Variants in SLC35F4 observed in about 807,000 individuals in gnomAD.
SLC35F4 encodes solute carrier family 35 member F4, also known as chromosome 14 open reading frame 36.
A neutral mutation model predicts 44.2 loss-of-function variants in SLC35F4; 24 were observed. The observed-to-expected ratio is 0.54, with a 90% confidence interval of 0.39 to 0.76. The LOEUF (loss-of-function observed/expected upper bound fraction) is 0.76, where lower values mean the gene tolerates loss of function less well. SLC35F4 is among the 30% of genes least tolerant of loss of function. The pLI, the probability that SLC35F4 is intolerant of heterozygous loss-of-function variation, is 0.00. For missense variants in SLC35F4, 562 were observed against 586.1 expected (o/e 0.96, Z 0.42); for synonymous variants, 238 against 223.6 (o/e 1.06, Z -0.57).
At chr14:57,699,292 A>T (rs1022250434) in intron 1 of SLC35F4, among the ~76,000 whole-genome samples, 38 of 152,190 alleles carry the variant, frequency 2.5e-4, no homozygotes, top group Non-Finnish European at 4.1e-4. Context: ...ACGTTATAGT[A>T]CTGAAATCTT....
intron 1 of SLC35F4, among the ~76,000 whole-genome samples, chr14:57,607,336 G>GTCATTTCCAAGTACC (rs2071221233): frequency 1.3e-5 from 2 of 152,308 alleles, no homozygotes; most frequent in Admixed American, 6.5e-5. Context: ...GGAACTGGCA[G>GTCATTTCCAAGTACC]AGACAGCTGC....
chr14:57,615,527 A>C (rs1055363096), intron 1 of SLC35F4, among the ~76,000 whole-genome samples: 1 of 152,210 alleles, frequency 6.6e-6, no homozygotes, highest in Non-Finnish European at 1.5e-5. Flanking sequence ...AAAATTGATC[A>C]TCTTTACAAA....
At chr14:57,744,516 C>G (rs1415583261) in intron 1 of SLC35F4, among the ~76,000 whole-genome samples, 2 of 152,010 alleles carry the variant, frequency 1.3e-5, no homozygotes, top group African/African-American at 2.4e-5. Context: ...ATCCAACTTA[C>G]AAGGGACATG....
chr14:57,957,369 A>G (rs1430292424), intron 1 of SLC35F4, among the ~76,000 whole-genome samples: 3 of 151,956 alleles, frequency 2.0e-5, no homozygotes, highest in African/African-American at 7.3e-5. Flanking sequence ...GCAAGCCACT[A>G]TGGCACGTGT....
chr14:57,581,247 C>T lies in SLC35F4; in HGVS notation c.774G>A (p.Trp258Ter). Residue 258 changes from tryptophan (W) to a stop codon, truncating the protein, a stop_gained, in exon 4 of 8, where the codon TGG becomes TGA. Transcript: ENST00000556826. LOFTEE classifies it high-confidence loss of function. ...CNKAFVFLLSWIVLKDRFMGV... is the reference protein window; with the variant it reads ...CNKAFVFLLS ...CCATGAACCTGTCTTTCAGCACAAT[C>T]CATGACAGCAAGAAGACAAAGGCTT... The T allele has an allele frequency of 6.2e-7, 1 of 1,604,800 alleles. No homozygotes were observed. The highest frequency in any genetic ancestry group is 2.2e-5 in the East Asian group (1 of 44,788).
At chr14:57,672,860 C>T (rs1386043906) in intron 1 of SLC35F4, among the ~76,000 whole-genome samples, 1 of 151,684 alleles carries the variant, frequency 6.6e-6, no homozygotes, top group Non-Finnish European at 1.5e-5. Context: ...TGAATCCTTT[C>T]ATGTGAAACA....
At chr14:57,869,770 A>T (rs1888256940), upstream of SLC35F4, among the ~76,000 whole-genome samples, 1 of 152,246 alleles carries the variant, frequency 6.6e-6, no homozygotes, top group Non-Finnish European at 1.5e-5. Context: ...CAACCAGGTG[A>T]TAAGAAATGG....
intron 1 of SLC35F4, among the ~76,000 whole-genome samples, chr14:57,740,066 G>A (rs1403175122): frequency 1.3e-5 from 2 of 152,056 alleles, no homozygotes; most frequent in African/African-American, 2.4e-5. Context: ...CGTCATGTTG[G>A]CCGGGCTGGT....
intron 1 of SLC35F4, among the ~76,000 whole-genome samples, chr14:57,805,924 G>A (rs1881266706): frequency 6.6e-6 from 1 of 152,130 alleles, no homozygotes; most frequent in South Asian, 2.1e-4. Flanking sequence ...AGAAAACCAG[G>A]TTTGGAATAT....
At chr14:57,888,692 T>A (rs1888701256) in intron 1 of SLC35F4, among the ~76,000 whole-genome samples, 5 of 152,066 alleles carry the variant, frequency 3.3e-5, no homozygotes. Flanking sequence ...CGATTTGTAC[T>A]TTGTTTCAAA....
intron 1 of SLC35F4, among the ~76,000 whole-genome samples, chr14:57,637,936 C>T (rs1157731623): frequency 6.6e-6 from 1 of 152,030 alleles, no homozygotes; most frequent in Non-Finnish European, 1.5e-5. Context: ...CACCACTGAC[C>T]AGCATTAATG....
chr14:57,632,823 C>CA (rs1377150849), intron 1 of SLC35F4, among the ~76,000 whole-genome samples: 2 of 152,118 alleles, frequency 1.3e-5, no homozygotes, highest in East Asian at 3.9e-4. Context: ...ATGTATCCAC[C>CA]ATTGGAGTAT....
chr14:57,688,907 C>T (rs1311936835), intron 1 of SLC35F4, among the ~76,000 whole-genome samples: 1 of 152,142 alleles, frequency 6.6e-6, no homozygotes, highest in Non-Finnish European at 1.5e-5. Flanking sequence ...CTGGTTAAAA[C>T]AGTGCTGTGG....
At chr14:57,940,776 C>T (rs956867805) in intron 1 of SLC35F4, among the ~76,000 whole-genome samples, 1 of 152,202 alleles carries the variant, frequency 6.6e-6, no homozygotes, top group African/African-American at 2.4e-5. Context: ...CCCCACTACT[C>T]CTCTTCTCCT....
intron 1 of SLC35F4, among the ~76,000 whole-genome samples, chr14:57,883,430 T>G (rs1888582599): frequency 6.6e-6 from 1 of 152,188 alleles, no homozygotes; most frequent in Admixed American, 6.6e-5. Context: ...GAAGTTAACA[T>G]AGAGCACCAC....
At chr14:57,948,038 A>G (rs1407970487) in intron 1 of SLC35F4, among the ~76,000 whole-genome samples, 1 of 152,004 alleles carries the variant, frequency 6.6e-6, no homozygotes, top group Non-Finnish European at 1.5e-5. Flanking sequence ...TACTGGCTTT[A>G]TGGAATGATT....
At chr14:57,648,442 A>G (rs906293782) in intron 1 of SLC35F4, among the ~76,000 whole-genome samples, 3 of 152,220 alleles carry the variant, frequency 2.0e-5, no homozygotes, top group Non-Finnish European at 4.4e-5. Context: ...ATTCAAAACA[A>G]TATGAAAACA....
chr14:57,786,617 A>G (rs1186970459), intron 1 of SLC35F4, among the ~76,000 whole-genome samples: 1 of 152,232 alleles, frequency 6.6e-6, no homozygotes, highest in Non-Finnish European at 1.5e-5. Context: ...GCCCAGTACC[A>G]GCCCGGAGCC....
intron 1 of SLC35F4, among the ~76,000 whole-genome samples, chr14:57,634,113 T>A (rs1490599017): frequency 6.6e-6 from 1 of 152,156 alleles, no homozygotes; most frequent in Non-Finnish European, 1.5e-5. Flanking sequence ...CAACCAGCAA[T>A]GTGCTGAGCA....
Sources: allele counts gnomAD v4.1 joint callset (sites outside exome capture counted in the v4.1 genomes callset), GRCh38; gene constraint gnomAD v4.1.1; transcripts MANE v1.5; gene names NCBI Gene and HGNC (gene_info 2026-07-23, HGNC 2026-07-21).